ZNF385D: variants seen among roughly 807,000 people sequenced by gnomAD.
ZNF385D encodes the protein zinc finger protein 659.
ZNF385D carries 15 observed loss-of-function variants against 35.8 expected under a neutral mutation model. The observed-to-expected ratio is 0.42, with a 90% CI of 0.28 to 0.64. The LOEUF is 0.64. Ranked by LOEUF, ZNF385D falls within the 30% of genes least tolerant of loss-of-function variation. ZNF385D has a pLI of 0.23. For synonymous variants in ZNF385D, 212 were observed against 186.8 expected, an observed-to-expected ratio of 1.13 and a Z score of -1.10; for missense variants, 474 against 494.6, an observed-to-expected ratio of 0.96 and a Z score of 0.39.
intron 1 of ZNF385D, among the ~76,000 whole-genome samples, chr3:21,698,380 AT>A (rs1433115015): frequency 7.0e-6 from 1 of 142,876 alleles, no homozygotes. Context: ...CTTACTTATA[AT>A]TTGGAGCTAA....
chr3:22,139,340 C>G (rs1704350060), intron 3 of ZNF385D, among the ~76,000 whole-genome samples: 1 of 152,138 alleles, frequency 6.6e-6, no homozygotes, highest in African/African-American at 2.4e-5. Flanking sequence ...GCAGTATTCA[C>G]AATAGCAAAG....
intron 3 of ZNF385D, among the ~76,000 whole-genome samples, chr3:22,102,534 T>G (rs1445932587): frequency 1.3e-5 from 2 of 152,036 alleles, no homozygotes; most frequent in Non-Finnish European, 2.9e-5. Context: ...GGGAAGGCTA[T>G]CCCTTGAGTT....
intron 3 of ZNF385D, among the ~76,000 whole-genome samples, chr3:21,764,243 A>T (rs1024379913): frequency 6.6e-6 from 1 of 152,166 alleles, no homozygotes; most frequent in African/African-American, 2.4e-5. Context: ...CAAGAGCTAG[A>T]AGATGCTCAA....
chr3:21,428,593 C>CT (rs1006420735), intron 5 of ZNF385D, among the ~76,000 whole-genome samples: 11 of 152,014 alleles, frequency 7.2e-5, no homozygotes, highest in East Asian at 3.9e-4. Context: ...TCTCATAAAG[C>CT]TTTTTTTGCT....
At position 21,699,151 on chromosome 3, in the gene ZNF385D, T is replaced by C. The variant is rs576926263; in HGVS notation, c.23-34123A>G. ...GGCACATATACCCCATGGAATACTA[T>C]GTAGCCATAAAAAAGGATGAGTTCA... On this transcript the variant is annotated intron_variant, in intron 1 of 7. Coordinates refer to ENST00000281523, the MANE Select transcript of ZNF385D (RefSeq NM_024697.3). Among the ~76,000 whole-genome samples, 725 of 152,242 alleles carry C rather than the reference T, an allele frequency of 4.8e-3. 12 individuals are homozygous for C. Among genetic ancestry groups the C allele is most frequent in the South Asian group, 4.4e-3 (21 of 4,818 alleles).
At chr3:22,174,965 C>T (rs1256521590) in intron 2 of ZNF385D, among the ~76,000 whole-genome samples, 2 of 151,938 alleles carry the variant, frequency 1.3e-5, no homozygotes, top group African/African-American at 4.8e-5. Context: ...CTCAAAAAAA[C>T]TTATTCTGAA....
In ZNF385D at chr3:21,908,840, A is replaced by G. The variant is rs148454012; in HGVS notation, c.326-243812T>C. On this transcript the variant is annotated intron_variant, in intron 3 of 5. Coordinates refer to the ZNF385D transcript ENST00000494108. ...AAACATGCAAATTATAAGCATGTAA[A>G]TTTACATGTCAATGTTATGACAATT... Among the ~76,000 whole-genome samples, 5 of 152,218 alleles carry G rather than the reference A, an allele frequency of 3.3e-5. No homozygotes were observed. In the East Asian group the frequency reaches 9.7e-4, roughly 29 times the overall value.
chr3:22,297,313 C>T (rs928637305), intron 2 of ZNF385D, among the ~76,000 whole-genome samples: 10 of 152,028 alleles, frequency 6.6e-5, no homozygotes, highest in African/African-American at 1.2e-4. Context: ...CCATCTCCTC[C>T]GCCTTTCCCT....
intron 3 of ZNF385D, among the ~76,000 whole-genome samples, chr3:21,516,214 A>C (rs1426812871): frequency 6.6e-6 from 1 of 152,230 alleles, no homozygotes; most frequent in Admixed American, 6.5e-5. Flanking sequence ...GAGTTCTCCC[A>C]CATGTCCAGC....
intron 2 of ZNF385D, among the ~76,000 whole-genome samples, chr3:22,260,381 A>T (rs1189627579): frequency 1.3e-5 from 2 of 151,930 alleles, no homozygotes; most frequent in Non-Finnish European, 2.9e-5. Context: ...GAGCATTAGG[A>T]CAAATACCTA....
rs145933741 is a variant in ZNF385D, at chr3:21,505,067, T to C, written c.439+5794A>G. On this transcript the variant is annotated intron_variant, in intron 4 of 7. Coordinates refer to ENST00000281523, the MANE Select transcript of ZNF385D (RefSeq NM_024697.3). ...ATGGGAGGGAAGTGGACTCTAGCAA[T>C]TGAATAGAAGTGAGAACTTAGGAGA... is the stretch of plus-strand genomic sequence containing the variant. Among the ~76,000 whole-genome samples, 484 of 152,158 alleles carry C rather than the reference T, an allele frequency of 3.2e-3. 1 individual carries two copies. Among genetic ancestry groups the C allele is most frequent in the Non-Finnish European group, 5.4e-3 (366 of 67,976 alleles).
At chr3:22,036,421 G>A (rs957808704) in intron 3 of ZNF385D, among the ~76,000 whole-genome samples, 8 of 152,148 alleles carry the variant, frequency 5.3e-5, no homozygotes, top group African/African-American at 1.9e-4. Flanking sequence ...GGAAAAGCAT[G>A]TGAGTAATAT....
At chr3:22,063,403 G>C (rs1051286051) in intron 3 of ZNF385D, among the ~76,000 whole-genome samples, 9 of 152,016 alleles carry the variant, frequency 5.9e-5, no homozygotes, top group African/African-American at 2.2e-4. Flanking sequence ...GTTACAGAGA[G>C]CCTAGTTTCT....
intron 3 of ZNF385D, among the ~76,000 whole-genome samples, chr3:21,932,801 A>T (rs1262043434): frequency 6.6e-6 from 1 of 152,156 alleles, no homozygotes; most frequent in Admixed American, 6.5e-5. Flanking sequence ...TAAAAACAGC[A>T]TAGAAACATT....
intron 2 of ZNF385D, among the ~76,000 whole-genome samples, chr3:22,172,517 C>T (rs770890816): frequency 2.0e-4 from 30 of 152,208 alleles, no homozygotes; most frequent in Admixed American, 1.8e-3. Context: ...AATGTCACCA[C>T]CTTTGCCAAA....
chr3:21,667,668 T>C (rs917352986), intron 1 of ZNF385D, among the ~76,000 whole-genome samples: 12 of 152,344 alleles, frequency 7.9e-5, no homozygotes, highest in Middle Eastern at 3.4e-3. Flanking sequence ...GAATGCAATT[T>C]AGCAAGAAAA....
intron 2 of ZNF385D, among the ~76,000 whole-genome samples, chr3:22,295,926 G>C (rs1315586433): frequency 6.6e-6 from 1 of 152,020 alleles, no homozygotes; most frequent in South Asian, 2.1e-4. Flanking sequence ...TCTGAAAAAA[G>C]AAACAGGAGA....
At chr3:22,346,035 A>T (rs1343680356) in intron 2 of ZNF385D, among the ~76,000 whole-genome samples, 1 of 152,048 alleles carries the variant, frequency 6.6e-6, no homozygotes, top group Non-Finnish European at 1.5e-5. Context: ...TTGCATACTC[A>T]TCTCCTCATG....
intron 2 of ZNF385D, among the ~76,000 whole-genome samples, chr3:22,295,242 A>G (rs1702507415): frequency 6.6e-6 from 1 of 152,180 alleles, no homozygotes; most frequent in Non-Finnish European, 1.5e-5. Flanking sequence ...AAATACTACT[A>G]AAACATTCCC....
Sources: allele counts gnomAD v4.1 joint callset (sites outside exome capture counted in the v4.1 genomes callset), GRCh38; gene constraint gnomAD v4.1.1; transcripts MANE v1.5; gene names NCBI Gene and HGNC (gene_info 2026-07-23, HGNC 2026-07-21).